The following RASAL2 variants were observed in gnomAD, a reference collection of about 807,000 sequenced individuals.
The protein encoded by RASAL2 is RAS protein activator like 2.
RASAL2 carries 58 observed loss-of-function variants against 128.9 expected under a neutral mutation model. The ratio of observed to expected loss-of-function variants is 0.45; its 90% CI spans 0.36 to 0.56. The LOEUF (loss-of-function observed/expected upper bound fraction) is 0.56. Ranked by LOEUF, RASAL2 falls within the 20% of genes least tolerant of loss-of-function variation. RASAL2 has a pLI of 0.00. For synonymous variants in RASAL2, 561 were observed against 580.8 expected (o/e 0.97, Z 0.49); for missense variants, 1,360 against 1,601.6 (o/e 0.85, Z 2.57).
At chr1:178,265,877 T>C (rs1322079846) in intron 1 of RASAL2, among the ~76,000 whole-genome samples, 1 of 152,254 alleles carries the variant, frequency 6.6e-6, no homozygotes, top group African/African-American at 2.4e-5. Flanking sequence ...ACATCTTTTG[T>C]ATCTTTTTTT....
chr1:178,180,485 C>CAAAAAAAAAAAAA (rs71108033), intron 1 of RASAL2, among the ~76,000 whole-genome samples: 2 of 72,540 alleles, frequency 2.8e-5, no homozygotes, highest in African/African-American at 1.0e-4. Flanking sequence ...TCATCTCTAC[C>CAAAAAAAAAAAAA]AAAAAAAAAA....
intron 3 of RASAL2, among the ~76,000 whole-genome samples, chr1:178,348,344 A>G (rs894363243): frequency 3.9e-5 from 6 of 152,046 alleles, no homozygotes; most frequent in South Asian, 2.1e-4. Context: ...GTGGAGTGCA[A>G]TGGCCCAACT....
intron 1 of RASAL2, among the ~76,000 whole-genome samples, chr1:178,148,584 G>T (rs1427532548): frequency 6.6e-6 from 1 of 151,908 alleles, no homozygotes; most frequent in Non-Finnish European, 1.5e-5. Context: ...AAGCAACTGG[G>T]ACTACAGGTG....
chr1:178,401,341 G>A (rs1044024027), intron 4 of RASAL2, among the ~76,000 whole-genome samples: 1 of 152,144 alleles, frequency 6.6e-6, no homozygotes, highest in Admixed American at 6.5e-5. Context: ...TAAGAAGGGT[G>A]GAATTTAGTG....
Position 178,094,226 on chromosome 1 carries a change from C to T in RASAL2, c.-267C>T, listed in dbSNP as rs892252525. ...CTCTCCCGGGAGGGACCCACACACA[C>T]CTGAGCCCGGACCCACCCTTGGTCG... is the stretch of plus-strand genomic sequence containing the variant. On this transcript the variant is annotated 5_prime_UTR_variant, in exon 1 of 18. Transcript: ENST00000367649. 1.2e-4 allele frequency: 61 copies of T among 503,582 alleles called. No individual in the cohort carries two copies. The highest frequency in any genetic ancestry group is 2.0e-4 in the Non-Finnish European group (58 of 288,006). 31.2% of individuals were successfully genotyped at this position (503,582 alleles called of 1,614,324 possible). A position where few individuals can be genotyped will look rare whatever the true frequency, so the allele number is the denominator to read the frequency against.
At chr1:178,367,587 T>C (rs1002152657) in intron 3 of RASAL2, among the ~76,000 whole-genome samples, 3 of 152,094 alleles carry the variant, frequency 2.0e-5, no homozygotes, top group African/African-American at 7.2e-5. Context: ...AGCACTGATA[T>C]TGTTGAATGA....
At chr1:178,363,419 T>C (rs1671231907) in intron 3 of RASAL2, among the ~76,000 whole-genome samples, 2 of 152,338 alleles carry the variant, frequency 1.3e-5, no homozygotes, top group Admixed American at 6.5e-5. Context: ...AGATACATGG[T>C]TTGCAGATAT....
At chr1:178,288,547 T>C (rs756444341) in intron 2 of RASAL2, among the ~76,000 whole-genome samples, 7 of 151,676 alleles carry the variant, frequency 4.6e-5, no homozygotes, top group Non-Finnish European at 1.0e-4. Flanking sequence ...TTCAAGGATA[T>C]ATCACTAGCA....
intron 1 of RASAL2, among the ~76,000 whole-genome samples, chr1:178,214,134 G>GGC: frequency 6.6e-6 from 1 of 152,032 alleles, no homozygotes; most frequent in African/African-American, 2.4e-5. Context: ...ACTGGGCGTG[G>GGC]TAATCCATGT....
At chr1:178,424,643 G>A (rs1675403113) in intron 5 of RASAL2, among the ~76,000 whole-genome samples, 1 of 151,890 alleles carries the variant, frequency 6.6e-6, no homozygotes, top group Non-Finnish European at 1.5e-5. Context: ...TATACTTTTT[G>A]TAGAGATGGG....
At chr1:178,406,261 AAGG>A (rs1421716222) in intron 4 of RASAL2, among the ~76,000 whole-genome samples, 1 of 152,250 alleles carries the variant, frequency 6.6e-6, no homozygotes, top group Non-Finnish European at 1.5e-5. Flanking sequence ...GTGGAATAAA[AAGG>A]AGCAAACTGT....
intron 1 of RASAL2, among the ~76,000 whole-genome samples, chr1:178,232,906 T>G (rs532794340): frequency 6.6e-6 from 1 of 152,276 alleles, no homozygotes; most frequent in African/African-American, 2.4e-5. Flanking sequence ...CTACTACTGG[T>G]CCATAAAGGT....
At chr1:178,238,738 A>G (rs1349424311) in intron 1 of RASAL2, among the ~76,000 whole-genome samples, 1 of 152,158 alleles carries the variant, frequency 6.6e-6, no homozygotes, top group Non-Finnish European at 1.5e-5. Context: ...TGCTCAAAAT[A>G]TAAATATAGT....
chr1:178,310,539 A>G (rs900069821), intron 3 of RASAL2, among the ~76,000 whole-genome samples: 2 of 152,120 alleles, frequency 1.3e-5, no homozygotes, highest in African/African-American at 4.8e-5. Flanking sequence ...TGATTTTGTT[A>G]CTTTTGTTAC....
At chr1:178,202,692 C>G (rs1238948137) in intron 1 of RASAL2, among the ~76,000 whole-genome samples, 2 of 152,162 alleles carry the variant, frequency 1.3e-5, no homozygotes, top group Admixed American at 6.5e-5. Flanking sequence ...GTGGATGGGC[C>G]TCTCTGAGTG....
intron 3 of RASAL2, among the ~76,000 whole-genome samples, chr1:178,313,996 CTT>C (rs1433618350): frequency 1.3e-5 from 2 of 152,140 alleles, no homozygotes; most frequent in Non-Finnish European, 2.9e-5. Flanking sequence ...CTCTTTGTCT[CTT>C]TGTTAAATAA....
At chr1:178,095,060 G>A (rs1658622867) in intron 1 of RASAL2, among the ~76,000 whole-genome samples, 1 of 152,132 alleles carries the variant, frequency 6.6e-6, no homozygotes, top group African/African-American at 2.4e-5. Context: ...TCTTTTTATT[G>A]TTGAATGAGG....
intron 1 of RASAL2, among the ~76,000 whole-genome samples, chr1:178,186,505 T>G (rs1224934764): frequency 6.6e-6 from 1 of 152,194 alleles, no homozygotes; most frequent in African/African-American, 2.4e-5. Flanking sequence ...TGGTATGTTT[T>G]ACTAATTATA....
chr1:178,398,314 T>C (rs776491093), intron 4 of RASAL2, among the ~76,000 whole-genome samples: 9 of 152,170 alleles, frequency 5.9e-5, no homozygotes, highest in Non-Finnish European at 1.2e-4. Flanking sequence ...ATTTTTTAAT[T>C]TTTGCAAATT....
Sources: gnomAD v4.1 joint callset for allele counts (sites outside exome capture counted in the v4.1 genomes callset) on GRCh38, gnomAD v4.1.1 for gene constraint, MANE v1.5 for transcripts, NCBI Gene and HGNC (gene_info 2026-07-23, HGNC 2026-07-21) for gene names.